The following CCDC167 variants were observed in gnomAD, a reference collection of about 807,000 sequenced individuals.
CCDC167 encodes the protein coiled-coil domain-containing protein 167.
CCDC167 carries 15 observed loss-of-function variants against 12.7 expected under a neutral mutation model. That is an observed-to-expected ratio of 1.18 (90% CI 0.79 to 1.81). The LOEUF (loss-of-function observed/expected upper bound fraction) is 1.81. CCDC167 is among the 40% of genes most tolerant of loss of function. CCDC167 has a pLI of 0.00. For synonymous variants in CCDC167, 52 were observed against 49.0 expected, an observed-to-expected ratio of 1.06 and a Z score of -0.26; for missense variants, 121 against 120.1, an observed-to-expected ratio of 1.01 and a Z score of -0.03.
intron 1 of CCDC167, among the ~76,000 whole-genome samples, chr6:37,489,676 G>T (rs982023647): frequency 1.2e-4 from 19 of 152,236 alleles, no homozygotes; most frequent in Admixed American, 1.2e-3. Flanking sequence ...TCACACCATG[G>T]TTCTAGGCAG....
chr6:37,485,191 C>T lies in CCDC167; in HGVS notation c.46G>A (p.Asp16Asn), dbSNP rs781100483. 16 of 1,612,308 alleles carry T rather than the reference C, an allele frequency of 9.9e-6. No individual in the cohort carries two copies. Among genetic ancestry groups the T allele is most frequent in the Admixed American group, 8.3e-5 (5 of 59,994 alleles). The change falls in exon 2 of 4, where the codon GAT becomes AAT. Residue 16 changes from aspartate to asparagine, a missense_variant. Physicochemically the swap from Asp to Asn is conservative, Grantham distance 23 (BLOSUM62 1). Transcript: ENST00000373408. Reference sequence around the variant, plus strand: ...TGGGACAGCTTCTCCTCTAGCCCATCGATCTGAAACAAAGGCCACAGAGAG... The same window carrying T: ...TGGGACAGCTTCTCCTCTAGCCCATTGATCTGAAACAAAGGCCACAGAGAG... ...RENLGVALEI[D>N]GLEEKLSQCR... is the part of the protein sequence containing the mutation.
At chr6:37,491,912 G>C (rs1399366509) in intron 1 of CCDC167, among the ~76,000 whole-genome samples, 3 of 152,206 alleles carry the variant, frequency 2.0e-5, no homozygotes, top group African/African-American at 7.2e-5. Flanking sequence ...CGGGAGCTGG[G>C]CAGCCACGTC....
At chr6:37,495,023 C>T (rs1054835605) in intron 1 of CCDC167, among the ~76,000 whole-genome samples, 14 of 152,114 alleles carry the variant, frequency 9.2e-5, no homozygotes, top group African/African-American at 2.9e-4. Context: ...TGGTCTCGAA[C>T]TCCTGACCTC....
At chr6:37,499,737 C>T in intron 1 of CCDC167, 85 bp downstream of exon 1, 1 of 1,454,856 alleles carries the variant, frequency 6.9e-7, no homozygotes, top group African/African-American at 1.4e-5. Context: ...GGCTCCTCCT[C>T]CTATCTATAG....
Position 37,499,816 on chromosome 6 carries a change from C to G in CCDC167, c.42+6G>C. ...GAGGTGGCCCAACCCCCACTTTTCC[C>G]CTCACCTCTAGAGCGACGCCCAGAT... On this transcript the variant is annotated splice_donor_region_variant and intron_variant, in intron 1 of 3. Transcript: ENST00000373408. 1 of 1,614,112 alleles carries G rather than the reference C, an allele frequency of 6.2e-7. No homozygotes were observed. Among genetic ancestry groups the G allele is most frequent in the African/African-American group, 1.3e-5 (1 of 75,060 alleles).
chr6:37,490,880 G>A (rs532292764), intron 1 of CCDC167, among the ~76,000 whole-genome samples: 3 of 152,220 alleles, frequency 2.0e-5, no homozygotes, highest in Admixed American at 6.5e-5. Context: ...CCAAGCACCC[G>A]GGCCTGGAGT....
chr6:37,484,968 G>A (rs1019208327), intron 2 of CCDC167, 106 bp from the exon 3 acceptor site: 20 of 1,484,412 alleles, frequency 1.3e-5, no homozygotes, highest in Middle Eastern at 2.2e-4. Flanking sequence ...CGGCGGCAGG[G>A]GGGGTGTGCA....
At chr6:37,499,232 C>T (rs534716477) in intron 1 of CCDC167, among the ~76,000 whole-genome samples, 2 of 152,270 alleles carry the variant, frequency 1.3e-5, no homozygotes, top group Admixed American at 6.5e-5. Context: ...TGTATGTTTT[C>T]TTTCCCTTCT....
chr6:37,496,873 G>C (rs193176464), intron 1 of CCDC167, among the ~76,000 whole-genome samples: 2 of 152,348 alleles, frequency 1.3e-5, no homozygotes, highest in Admixed American at 1.3e-4. Flanking sequence ...TGGGGTTTTA[G>C]TTCTTGCCAA....
intron 1 of CCDC167, among the ~76,000 whole-genome samples, chr6:37,493,688 A>C (rs1261153783): frequency 6.6e-6 from 1 of 152,230 alleles, no homozygotes; most frequent in East Asian, 1.9e-4. Context: ...GGTCCCAGCA[A>C]GGTGGCGTCT....
chr6:37,496,749 A>G (rs1046218269), intron 1 of CCDC167, among the ~76,000 whole-genome samples: 1 of 152,250 alleles, frequency 6.6e-6, no homozygotes, highest in Non-Finnish European at 1.5e-5. Flanking sequence ...CTGTAGTGAG[A>G]CTACAGGCTG....
intron 1 of CCDC167, 99 bp from the exon 2 acceptor site, chr6:37,485,293 G>A (rs1458420690): frequency 3.7e-5 from 33 of 896,822 alleles, no homozygotes; most frequent in Non-Finnish European, 5.9e-5. Context: ...TTGGACAGGT[G>A]TTCCCCCCAT....
intron 1 of CCDC167, among the ~76,000 whole-genome samples, chr6:37,487,541 G>C (rs939239011): frequency 6.6e-6 from 1 of 152,212 alleles, no homozygotes; most frequent in Non-Finnish European, 1.5e-5. Context: ...TTAGTCCTAG[G>C]TGAGATTTCT....
intron 1 of CCDC167, among the ~76,000 whole-genome samples, chr6:37,494,670 GAGTT>G (rs760512544): frequency 3.9e-5 from 6 of 152,160 alleles, no homozygotes; most frequent in Non-Finnish European, 8.8e-5. Context: ...CCTCCTTCCT[GAGTT>G]AAAGTTGAAT....
At chr6:37,489,237 A>AAAAC (rs141701390) in intron 1 of CCDC167, among the ~76,000 whole-genome samples, 19,376 of 64,210 alleles carry the variant, frequency 0.3, 2,777 homozygotes, top group African/African-American at 0.44. Context: ...CTCTATCTCA[A>AAAAC]AAACAAACAA....
At chr6:37,491,525 A>G (rs1002841481) in intron 1 of CCDC167, among the ~76,000 whole-genome samples, 11 of 152,206 alleles carry the variant, frequency 7.2e-5, no homozygotes, top group Admixed American at 2.0e-4. Context: ...AGGGTCAGGC[A>G]GTGGTAATGG....
At chr6:37,493,312 G>T (rs1463755365) in intron 1 of CCDC167, among the ~76,000 whole-genome samples, 9 of 152,230 alleles carry the variant, frequency 5.9e-5, no homozygotes, top group Admixed American at 5.9e-4. Flanking sequence ...GGTTTGTTTT[G>T]TCTTCTTTCC....
chr6:37,491,120 T>G (rs529860637), intron 1 of CCDC167, among the ~76,000 whole-genome samples: 6 of 152,298 alleles, frequency 3.9e-5, no homozygotes, highest in Admixed American at 3.9e-4. Flanking sequence ...GCAGGGAATT[T>G]CGTGCCAGCT....
intron 1 of CCDC167, among the ~76,000 whole-genome samples, chr6:37,486,521 C>T (rs1761945192): frequency 6.6e-6 from 1 of 152,228 alleles, no homozygotes; most frequent in African/African-American, 2.4e-5. Context: ...ATGTCAGCCA[C>T]TTTTCCTTCT....
Sources: gnomAD v4.1 joint callset for allele counts (sites outside exome capture counted in the v4.1 genomes callset) on GRCh38, gnomAD v4.1.1 for gene constraint, MANE v1.5 for transcripts, NCBI Gene and HGNC (gene_info 2026-07-23, HGNC 2026-07-21) for gene names.